Variants in LPP observed in about 807,000 individuals in gnomAD.
The protein encoded by LPP is lipoma-preferred partner.
LPP carries 38 observed loss-of-function variants against 60.4 expected under a neutral mutation model. The ratio of observed to expected loss-of-function variants is 0.63; its 90% CI spans 0.49 to 0.83. The LOEUF (loss-of-function observed/expected upper bound fraction) is 0.83. LPP is among the 40% of genes least tolerant of loss of function. The probability of loss-of-function intolerance (pLI) is 0.00; values close to 1 mark genes in which losing one functional copy is unlikely to be tolerated. For synonymous variants in LPP, 328 were observed against 290.8 expected (o/e 1.13, Z -1.30); for missense variants, 902 against 783.6 (o/e 1.15, Z -1.80).
chr3:188,380,511 C>T (rs1042806952), intron 3 of LPP, among the ~76,000 whole-genome samples: 2 of 152,154 alleles, frequency 1.3e-5, no homozygotes, highest in Non-Finnish European at 1.5e-5. Context: ...CAGATTCCTG[C>T]CAATCAAATG....
At chr3:188,817,449 C>T (rs1372369551) in intron 9 of LPP, among the ~76,000 whole-genome samples, 1 of 152,180 alleles carries the variant, frequency 6.6e-6, no homozygotes, top group Non-Finnish European at 1.5e-5. Context: ...TGTTAAAACA[C>T]TTAGTTCTGT....
At chr3:188,736,467 T>A (rs1722547278) in intron 8 of LPP, among the ~76,000 whole-genome samples, 2 of 152,040 alleles carry the variant, frequency 1.3e-5, no homozygotes, top group Admixed American at 1.3e-4. Context: ...GAAAAGAAAA[T>A]TTAAATAATT....
At chr3:188,595,014 T>C (rs1232548589) in intron 6 of LPP, among the ~76,000 whole-genome samples, 3 of 152,186 alleles carry the variant, frequency 2.0e-5, no homozygotes, top group African/African-American at 7.2e-5. Flanking sequence ...TTTATAAAGA[T>C]AAATTATGAA....
In LPP at chr3:188,276,894, CTTTTTTTTTTT is replaced by C. The variant is rs1203656488; in HGVS notation, c.-67+51382_-67+51392del. Among the ~76,000 whole-genome samples, 4 of 38,224 alleles carry C rather than the reference CTTTTTTTTTTT, an allele frequency of 1.0e-4. 1 individual carries two copies. The East Asian group carries it at 1.8e-3, about 17-fold the overall frequency. The allele number at this position is 38,224 out of a possible 152,430, so 25.1% of individuals were successfully genotyped here. ...ACAACTCAACCACTTCTTTTCTTTT[CTTTTTTTTTTT>C]TTTTTTTTTTTTTTGGAGAGACAGG... On this transcript the variant is annotated intron_variant, in intron 2 of 11. Coordinates refer to ENST00000617246, the MANE Select transcript of LPP (RefSeq NM_001375462.1).
At chr3:188,393,379 T>A (rs565790066) in intron 3 of LPP, among the ~76,000 whole-genome samples, 15 of 152,264 alleles carry the variant, frequency 9.9e-5, no homozygotes, top group South Asian at 2.1e-4. Flanking sequence ...CTACTTCCCG[T>A]TGCTAATTGC....
At chr3:188,543,150 C>T (rs771055215) in intron 6 of LPP, among the ~76,000 whole-genome samples, 3 of 152,044 alleles carry the variant, frequency 2.0e-5, no homozygotes, top group South Asian at 2.1e-4. Context: ...TTAGTATGAT[C>T]GGAAATAGAA....
chr3:188,294,056 C>CA (rs61312510), intron 2 of LPP, among the ~76,000 whole-genome samples: 5,717 of 39,404 alleles, frequency 0.15, 1,223 homozygotes, highest in East Asian at 0.23. Context: ...CAAACTCTGT[C>CA]AAAAAAAAAA....
At chr3:188,619,054 C>CA (rs1845357364) in intron 7 of LPP, among the ~76,000 whole-genome samples, 1 of 152,060 alleles carries the variant, frequency 6.6e-6, no homozygotes, top group Non-Finnish European at 1.5e-5. Flanking sequence ...GACAGAGTGT[C>CA]ACTCTTGTCG....
intron 2 of LPP, among the ~76,000 whole-genome samples, chr3:188,334,389 C>CAGTGGGATT (rs1389536959): frequency 1.4e-5 from 2 of 146,682 alleles, no homozygotes; most frequent in Non-Finnish European, 3.0e-5. Flanking sequence ...ATATGACCAG[C>CAGTGGGATT]AGTGGGATTG....
chr3:188,326,342 A>C (rs1367537626), intron 2 of LPP, among the ~76,000 whole-genome samples: 1 of 152,164 alleles, frequency 6.6e-6, no homozygotes, highest in Non-Finnish European at 1.5e-5. Context: ...CTGACAATTA[A>C]ATATACCGTA....
intron 1 of LPP, among the ~76,000 whole-genome samples, chr3:188,188,480 T>A (rs889808810): frequency 1.3e-5 from 2 of 152,124 alleles, no homozygotes; most frequent in African/African-American, 2.4e-5. Flanking sequence ...AAAATCTTTG[T>A]ATAACAATTA....
intron 1 of LPP, among the ~76,000 whole-genome samples, chr3:188,190,906 A>G (rs1360235401): frequency 6.6e-6 from 1 of 152,242 alleles, no homozygotes; most frequent in Non-Finnish European, 1.5e-5. Flanking sequence ...AAGAAGATGA[A>G]GTGAATAAGT....
At chr3:188,607,411 AT>A (rs1560628919) in intron 6 of LPP, among the ~76,000 whole-genome samples, 417 of 28,246 alleles carry the variant, frequency 0.015, 6 homozygotes, top group Middle Eastern at 0.048. Flanking sequence ...ATATATATAT[AT>A]ATATAATTTT....
In LPP at chr3:188,883,404, C is replaced by T. The variant is rs1406012435; in HGVS notation, c.*8925C>T. 9.6e-6 allele frequency: 2 copies of T among 207,998 alleles called. No homozygotes were observed. Among genetic ancestry groups the T allele is most frequent in the Non-Finnish European group, 2.0e-5 (2 of 101,932 alleles). 12.9% of individuals were successfully genotyped at this position (207,998 alleles called of 1,614,324 possible). ...GTAACTAACCCATGAACAGTACACCCCTTTTATCTGACTTGTTGATAATGA... is the reference window on the plus strand; with the variant it reads ...GTAACTAACCCATGAACAGTACACCTCTTTTATCTGACTTGTTGATAATGA... On this transcript the variant is annotated 3_prime_UTR_variant, in exon 12 of 12. Coordinates refer to ENST00000617246, the MANE Select transcript of LPP (RefSeq NM_001375462.1).
intron 2 of LPP, among the ~76,000 whole-genome samples, chr3:188,295,042 C>A (rs1747391908): frequency 6.6e-6 from 1 of 152,168 alleles, no homozygotes; most frequent in Admixed American, 6.5e-5. Flanking sequence ...TTCTCTGACT[C>A]ACTTATTGTG....
intron 6 of LPP, among the ~76,000 whole-genome samples, chr3:188,579,235 G>T (rs529447077): frequency 1.3e-5 from 2 of 152,280 alleles, no homozygotes; most frequent in South Asian, 4.1e-4. Context: ...TAAGGGTGGG[G>T]AGAGCAGGGA....
At chr3:188,793,907 C>T (rs907520102) in intron 9 of LPP, among the ~76,000 whole-genome samples, 1 of 151,986 alleles carries the variant, frequency 6.6e-6, no homozygotes, top group Non-Finnish European at 1.5e-5. Flanking sequence ...GACACAAGTC[C>T]TTGCCTTAGT....
chr3:188,811,358 A>ACACG (rs986638706), intron 9 of LPP, among the ~76,000 whole-genome samples: 4 of 141,932 alleles, frequency 2.8e-5, no homozygotes, highest in Non-Finnish European at 4.5e-5. Context: ...GTATACACAC[A>ACACG]CACACACACA....
In LPP at chr3:188,548,028, G is replaced by T. The variant is rs144757204; in HGVS notation, c.429+23241G>T. ...AGACCTAATGCTTATTTTACTGTCT[G>T]AAGTGGGAAGACAGCCATTGTTAAC... On this transcript the variant is annotated intron_variant, in intron 6 of 11. Coordinates refer to ENST00000617246, the MANE Select transcript of LPP (RefSeq NM_001375462.1). 1.9e-3 allele frequency among the ~76,000 whole-genome samples: 289 copies of T among 152,292 alleles called. 3 individuals are homozygous for T. Among genetic ancestry groups the T allele is most frequent in the African/African-American group, 6.5e-3 (272 of 41,572 alleles).
Sources: allele counts gnomAD v4.1 joint callset (sites outside exome capture counted in the v4.1 genomes callset), GRCh38; gene constraint gnomAD v4.1.1; transcripts MANE v1.5; gene names NCBI Gene and HGNC (gene_info 2026-07-23, HGNC 2026-07-21).